WWOX: variants seen among roughly 807,000 people sequenced by gnomAD.
WWOX encodes WW domain-containing oxidoreductase.
A neutral mutation model predicts 46.2 loss-of-function variants in WWOX; 69 were observed. The observed-to-expected ratio is 1.49, with a 90% confidence interval of 1.23 to 1.82. The LOEUF (loss-of-function observed/expected upper bound fraction) is 1.82, where lower values mean the gene tolerates loss of function less well. Among genes scored for constraint, WWOX ranks in the 40% most tolerant of loss-of-function variants. The pLI is 0.00. For missense variants in WWOX, 919 were observed against 542.6 expected (o/e 1.69, Z -6.89); for synonymous variants, 359 against 202.6 (o/e 1.77, Z -6.56).
intron 8 of WWOX, among the ~76,000 whole-genome samples, chr16:78,722,779 G>A (rs188535282): frequency 3.2e-4 from 48 of 148,980 alleles, no homozygotes; most frequent in Middle Eastern, 3.6e-3. Flanking sequence ...GGTGGCTCAT[G>A]GCTGTAATCT....
intron 8 of WWOX, among the ~76,000 whole-genome samples, chr16:78,967,830 A>T (rs1401991110): frequency 6.6e-6 from 1 of 152,018 alleles, no homozygotes; most frequent in African/African-American, 2.4e-5. Context: ...ATGGGAGAGG[A>T]TGGGAGTGAT....
chr16:78,360,465 A>G (rs2081385157), intron 5 of WWOX, among the ~76,000 whole-genome samples: 1 of 151,824 alleles, frequency 6.6e-6, no homozygotes, highest in African/African-American at 2.4e-5. Flanking sequence ...CACACCTGTA[A>G]TCCCAGATAC....
chr16:78,400,281 A>G (rs2082380901), intron 6 of WWOX, among the ~76,000 whole-genome samples: 1 of 152,192 alleles, frequency 6.6e-6, no homozygotes, highest in South Asian at 2.1e-4. Flanking sequence ...AAGGTGACAA[A>G]TTACACAGCT....
intron 8 of WWOX, among the ~76,000 whole-genome samples, chr16:78,734,629 G>T (rs973907271): frequency 4.0e-5 from 6 of 151,858 alleles, no homozygotes; most frequent in African/African-American, 1.2e-4. Context: ...CAGTCACAGG[G>T]TGCCCACATG....
At chr16:78,652,775 T>C (rs1839018110) in intron 8 of WWOX, among the ~76,000 whole-genome samples, 1 of 152,228 alleles carries the variant, frequency 6.6e-6, no homozygotes, top group Admixed American at 6.5e-5. Flanking sequence ...AGATATTTCT[T>C]TAATACGTGT....
intron 8 of WWOX, among the ~76,000 whole-genome samples, chr16:78,954,397 T>C (rs569461737): frequency 6.6e-6 from 1 of 152,242 alleles, no homozygotes; most frequent in Non-Finnish European, 1.5e-5. Flanking sequence ...AACAGATGAA[T>C]GGATGCATGG....
intron 8 of WWOX, among the ~76,000 whole-genome samples, chr16:78,946,356 A>AT (rs1362045833): frequency 6.6e-6 from 1 of 151,756 alleles, no homozygotes; most frequent in African/African-American, 2.4e-5. Context: ...TGCCCAGCTA[A>AT]TTTTTTGTAT....
At chr16:78,969,208 C>T (rs921228708) in intron 8 of WWOX, among the ~76,000 whole-genome samples, 3 of 151,850 alleles carry the variant, frequency 2.0e-5, no homozygotes, top group South Asian at 2.1e-4. Context: ...CCTTTGCTAC[C>T]TCAGGGGACA....
At chr16:78,955,220 T>C (rs2046140968) in intron 8 of WWOX, among the ~76,000 whole-genome samples, 1 of 152,154 alleles carries the variant, frequency 6.6e-6, no homozygotes, top group African/African-American at 2.4e-5. Flanking sequence ...AGAGCTGCAA[T>C]GTGGGTGCTC....
chr16:78,683,172 C>T (rs868011594), intron 8 of WWOX, among the ~76,000 whole-genome samples: 1 of 152,092 alleles, frequency 6.6e-6, no homozygotes, highest in Non-Finnish European at 1.5e-5. Context: ...CTGAGTGTTA[C>T]TTGGTCTTTA....
intron 6 of WWOX, among the ~76,000 whole-genome samples, chr16:78,420,039 C>T (rs1419562784): frequency 6.6e-6 from 1 of 152,060 alleles, no homozygotes; most frequent in Non-Finnish European, 1.5e-5. Flanking sequence ...TGTTCAATCT[C>T]ATTAGGGAAA....
chr16:78,510,826 C>T (rs56172951), intron 8 of WWOX, among the ~76,000 whole-genome samples: 1,643 of 152,350 alleles, frequency 0.011, 32 homozygotes, highest in African/African-American at 0.038. Context: ...GATTCACTTC[C>T]ATCAGCTGCT....
chr16:78,806,688 G>A (rs2051046553), intron 8 of WWOX, among the ~76,000 whole-genome samples: 1 of 152,058 alleles, frequency 6.6e-6, no homozygotes, highest in African/African-American at 2.4e-5. Context: ...TGCCTTTTAT[G>A]GCCTTCCATA....
chr16:79,210,286 C>T (rs565823232), intron 8 of WWOX, among the ~76,000 whole-genome samples: 2 of 152,324 alleles, frequency 1.3e-5, no homozygotes, highest in South Asian at 2.1e-4. Flanking sequence ...GCAGATTCTT[C>T]ACGTCGTAAC....
At chr16:78,344,832 C>G (rs2081067849) in intron 5 of WWOX, among the ~76,000 whole-genome samples, 1 of 121,504 alleles carries the variant, frequency 8.2e-6, no homozygotes, top group East Asian at 1.9e-4. Context: ...TCTTGTTAAT[C>G]TGTCAGGCCT....
chr16:78,314,760 C>G (rs2080327930), intron 5 of WWOX, among the ~76,000 whole-genome samples: 3 of 136,040 alleles, frequency 2.2e-5, no homozygotes, highest in African/African-American at 8.7e-5. Context: ...TCATGTTGGC[C>G]TGGTTGGTCT....
chr16:78,165,320 G>A (rs1267157430), intron 5 of WWOX, among the ~76,000 whole-genome samples: 10 of 152,144 alleles, frequency 6.6e-5, no homozygotes, highest in African/African-American at 2.4e-4. Flanking sequence ...CTACTGTTAA[G>A]GACAACAGAC....
At chr16:78,523,411 A>G (rs1296787949) in intron 8 of WWOX, among the ~76,000 whole-genome samples, 2 of 152,200 alleles carry the variant, frequency 1.3e-5, no homozygotes, top group South Asian at 2.1e-4. Flanking sequence ...TAGTACAGCT[A>G]TCAGTAACAA....
chr16:79,180,113 A>T (rs1002020143), intron 8 of WWOX, among the ~76,000 whole-genome samples: 1 of 151,932 alleles, frequency 6.6e-6, no homozygotes, highest in Admixed American at 6.6e-5. Context: ...AATCTTTGCT[A>T]TGTTAGAAGA....
Sources: gnomAD v4.1 joint callset for allele counts (sites outside exome capture counted in the v4.1 genomes callset) on GRCh38, gnomAD v4.1.1 for gene constraint, MANE v1.5 for transcripts, NCBI Gene and HGNC (gene_info 2026-07-23, HGNC 2026-07-21) for gene names.